The following DLGAP1 variants were observed in gnomAD, a reference collection of about 807,000 sequenced individuals.
The protein encoded by DLGAP1 is disks large-associated protein 1.
A neutral mutation model predicts 90.8 loss-of-function variants in DLGAP1; 11 were observed. The observed-to-expected ratio is 0.12, with a 90% CI of 0.08 to 0.20. The LOEUF is 0.20. Ranked by LOEUF, DLGAP1 falls within the 10% of genes least tolerant of loss-of-function variation. The pLI, the probability that DLGAP1 is intolerant of heterozygous loss-of-function variation, is 1.00. For synonymous variants in DLGAP1, 558 were observed against 540.7 expected, an observed-to-expected ratio of 1.03 and a Z score of -0.44; for missense variants, 1,050 against 1,333.8, an observed-to-expected ratio of 0.79 and a Z score of 3.31.
chr18:4,452,332 T>C (rs770376843), intron 1 of DLGAP1, among the ~76,000 whole-genome samples: 3 of 152,114 alleles, frequency 2.0e-5, no homozygotes, highest in Non-Finnish European at 2.9e-5. Context: ...TCTGAAAGAG[T>C]TGATGTTCAA....
chr18:3,919,573 A>G (rs2072221421), intron 3 of DLGAP1, among the ~76,000 whole-genome samples: 1 of 152,132 alleles, frequency 6.6e-6, no homozygotes, highest in Non-Finnish European at 1.5e-5. Flanking sequence ...TGGTCAAGGT[A>G]GAATTCTTGA....
chr18:4,290,880 T>A (rs1344850653), intron 1 of DLGAP1, among the ~76,000 whole-genome samples: 1 of 152,180 alleles, frequency 6.6e-6, no homozygotes, highest in Non-Finnish European at 1.5e-5. Context: ...TCTGGCCACC[T>A]TGATGTGAAG....
chr18:4,370,428 T>C (rs945955228), intron 1 of DLGAP1, among the ~76,000 whole-genome samples: 9 of 152,046 alleles, frequency 5.9e-5, no homozygotes, highest in African/African-American at 2.2e-4. Flanking sequence ...ACATGAGGAG[T>C]TAAAACTATG....
chr18:4,320,755 CACACA>C (rs2080665016), intron 1 of DLGAP1, among the ~76,000 whole-genome samples: 1 of 99,946 alleles, frequency 1.0e-5, no homozygotes, highest in Admixed American at 1.0e-4. Flanking sequence ...CACACACACA[CACACA>C]CACAATACCA....
intron 6 of DLGAP1, among the ~76,000 whole-genome samples, chr18:3,741,017 TCACCACCAC>T (rs1304279132): frequency 8.3e-5 from 3 of 36,162 alleles, no homozygotes; most frequent in Admixed American, 2.9e-4. Flanking sequence ...ACCACCACCA[TCACCACCAC>T]CACCACCACC....
intron 3 of DLGAP1, among the ~76,000 whole-genome samples, chr18:3,926,411 T>TACACACAC (rs1302685888): frequency 1.9e-5 from 1 of 51,654 alleles, no homozygotes; most frequent in African/African-American, 5.3e-5. Flanking sequence ...CATATATATA[T>TACACACAC]ATATATATAT....
At position 4,063,540 on chromosome 18, in the gene DLGAP1, G is replaced by C. The variant is rs542920072; in HGVS notation, c.-158-58339C>G. ...GCCTTACAAGGCTGTCTTAAGTGGG[G>C]CAAATTTGCATTTTTAGAGAATCTC... On this transcript the variant is annotated intron_variant, in intron 2 of 12. Coordinates refer to ENST00000315677, the MANE Select transcript of DLGAP1 (RefSeq NM_004746.4). Among the ~76,000 whole-genome samples the C allele has an allele frequency of 4.7e-3, 712 of 152,180 alleles. 4 individuals are homozygous for C. Among genetic ancestry groups the C allele is most frequent in the South Asian group, 0.018 (85 of 4,822 alleles).
chr18:3,734,548 T>C (rs992492183), intron 6 of DLGAP1, among the ~76,000 whole-genome samples: 3 of 152,212 alleles, frequency 2.0e-5, no homozygotes, highest in Non-Finnish European at 2.9e-5. Context: ...CAGCAAGTAA[T>C]ACAGAGTTCA....
chr18:4,381,574 T>C (rs968063651), intron 1 of DLGAP1, among the ~76,000 whole-genome samples: 2 of 152,174 alleles, frequency 1.3e-5, no homozygotes, highest in Non-Finnish European at 2.9e-5. Context: ...TTTTCCTTTC[T>C]GTTAATTCCA....
intron 1 of DLGAP1, among the ~76,000 whole-genome samples, chr18:4,276,799 T>C (rs1387373801): frequency 6.6e-6 from 1 of 152,234 alleles, no homozygotes; most frequent in East Asian, 1.9e-4. Context: ...CTAAATTTTG[T>C]GTGATTCTTA....
At chr18:3,894,485 TG>T (rs1490545408) in intron 3 of DLGAP1, among the ~76,000 whole-genome samples, 2 of 152,234 alleles carry the variant, frequency 1.3e-5, no homozygotes, top group Non-Finnish European at 1.5e-5. Context: ...CCCCAGTGTA[TG>T]TTTTTGTTTA....
chr18:3,886,585 C>T (rs1263902218), intron 3 of DLGAP1, among the ~76,000 whole-genome samples: 1 of 152,090 alleles, frequency 6.6e-6, no homozygotes, highest in Non-Finnish European at 1.5e-5. Flanking sequence ...CTTAGCAACA[C>T]CTCTCAACTA....
At chr18:3,539,657 T>C (rs1008447360) in intron 9 of DLGAP1, among the ~76,000 whole-genome samples, 1 of 152,220 alleles carries the variant, frequency 6.6e-6, no homozygotes, top group Admixed American at 6.5e-5. Context: ...AAAACATATA[T>C]GGGTAAACTG....
chr18:3,585,872 A>G (rs77719000), intron 7 of DLGAP1, among the ~76,000 whole-genome samples: 347 of 152,338 alleles, frequency 2.3e-3, no homozygotes, highest in African/African-American at 8.0e-3. Flanking sequence ...TGTGACATAC[A>G]GTAAAAATCC....
At chr18:3,535,589 T>TCCCG (rs2052318357) in intron 9 of DLGAP1, among the ~76,000 whole-genome samples, 1 of 151,754 alleles carries the variant, frequency 6.6e-6, no homozygotes, top group South Asian at 2.1e-4. Context: ...GCACCTGTGG[T>TCCCG]CCCAGCTACT....
At chr18:4,158,011 A>G (rs973518295) in intron 1 of DLGAP1, among the ~76,000 whole-genome samples, 1 of 152,160 alleles carries the variant, frequency 6.6e-6, no homozygotes, top group Non-Finnish European at 1.5e-5. Context: ...ACAAAGAGAG[A>G]GAAAGAAAGA....
intron 3 of DLGAP1, among the ~76,000 whole-genome samples, chr18:3,909,562 G>T (rs2071987501): frequency 6.6e-6 from 1 of 152,024 alleles, no homozygotes; most frequent in African/African-American, 2.4e-5. Flanking sequence ...ATTAATTAGT[G>T]ATGATAATTA....
intron 1 of DLGAP1, among the ~76,000 whole-genome samples, chr18:4,266,409 T>C (rs534742811): frequency 2.2e-4 from 34 of 152,326 alleles, no homozygotes; most frequent in African/African-American, 7.7e-4. Flanking sequence ...TAAATGCTTA[T>C]CCTAAGAACT....
intron 2 of DLGAP1, among the ~76,000 whole-genome samples, chr18:4,111,390 A>C (rs1489732407): frequency 6.6e-6 from 1 of 151,882 alleles, no homozygotes; most frequent in African/African-American, 2.4e-5. Context: ...TTTCCTTGAG[A>C]TGTCTTTGCC....
Sources: gnomAD v4.1 joint callset for allele counts (sites outside exome capture counted in the v4.1 genomes callset) on GRCh38, gnomAD v4.1.1 for gene constraint, MANE v1.5 for transcripts, NCBI Gene and HGNC (gene_info 2026-07-23, HGNC 2026-07-21) for gene names.